The following DIP2C variants were observed in gnomAD, a reference collection of about 807,000 sequenced individuals.
The protein encoded by DIP2C is disco-interacting protein 2 homolog C.
A neutral mutation model predicts 192.4 loss-of-function variants in DIP2C; 33 were observed. The ratio of observed to expected loss-of-function variants is 0.17; its 90% CI spans 0.13 to 0.23. The LOEUF (loss-of-function observed/expected upper bound fraction) is 0.23. Among genes scored for constraint, DIP2C ranks in the 10% least tolerant of loss-of-function variants. The pLI is 1.00. For missense variants in DIP2C, 1,537 were observed against 2,110.1 expected (o/e 0.73, Z 5.32); for synonymous variants, 979 against 864.1 (o/e 1.13, Z -2.33).
chr10:599,543 G>A (rs1372453901), intron 1 of DIP2C, among the ~76,000 whole-genome samples: 2 of 152,160 alleles, frequency 1.3e-5, no homozygotes, highest in South Asian at 4.2e-4. Flanking sequence ...CTGTTCACTC[G>A]TGGGTCAGTG....
chr10:597,638 AGTTT>A (rs150255776), intron 1 of DIP2C, among the ~76,000 whole-genome samples: 2,369 of 152,332 alleles, frequency 0.016, 18 homozygotes, highest in Non-Finnish European at 0.022. Context: ...AACAGAAATG[AGTTT>A]GTTTCATGAT....
chr10:316,033 G>A (rs1956761054), intron 31 of DIP2C, among the ~76,000 whole-genome samples: 1 of 151,722 alleles, frequency 6.6e-6, no homozygotes, highest in South Asian at 2.1e-4. Flanking sequence ...TTATCTTTCT[G>A]CAATACCCCC....
intron 1 of DIP2C, among the ~76,000 whole-genome samples, chr10:574,301 T>C (rs1770927026): frequency 6.6e-6 from 1 of 152,264 alleles, no homozygotes; most frequent in Non-Finnish European, 1.5e-5. Context: ...CCCACTGTTA[T>C]CTTTCCGCAA....
intron 1 of DIP2C, among the ~76,000 whole-genome samples, chr10:539,583 GT>G (rs1432969260): frequency 6.6e-6 from 1 of 152,140 alleles, no homozygotes; most frequent in African/African-American, 2.4e-5. Flanking sequence ...AAATATAGAG[GT>G]TTTAAAAAGT....
chr10:306,485 C>T (rs1250506125), intron 32 of DIP2C, among the ~76,000 whole-genome samples: 4 of 152,142 alleles, frequency 2.6e-5, no homozygotes, highest in South Asian at 2.1e-4. Context: ...AGTAATTAGA[C>T]GATAATTGGG....
At chr10:377,158 G>A (rs994273701) in intron 17 of DIP2C, among the ~76,000 whole-genome samples, 4 of 65,894 alleles carry the variant, frequency 6.1e-5, no homozygotes, top group Admixed American at 1.5e-4. Flanking sequence ...TTTTTTTTTT[G>A]CACTGAATAT....
At chr10:475,040 C>G (rs768718989) in intron 2 of DIP2C, among the ~76,000 whole-genome samples, 5 of 152,132 alleles carry the variant, frequency 3.3e-5, no homozygotes, top group East Asian at 1.9e-4. Flanking sequence ...TTCGTTTGCC[C>G]GAAGAGCCCT....
chr10:585,657 G>A (rs1850977398), intron 1 of DIP2C, among the ~76,000 whole-genome samples: 1 of 152,094 alleles, frequency 6.6e-6, no homozygotes, highest in Non-Finnish European at 1.5e-5. Context: ...GTCCTGCAGG[G>A]GCCTCACCTC....
At chr10:645,990 T>A (rs1227279145) in intron 1 of DIP2C, among the ~76,000 whole-genome samples, 1 of 152,166 alleles carries the variant, frequency 6.6e-6, no homozygotes, top group Non-Finnish European at 1.5e-5. Context: ...TAAATTTAGG[T>A]GAGTTAACAG....
At chr10:598,981 C>T (rs1024531840) in intron 1 of DIP2C, among the ~76,000 whole-genome samples, 6 of 152,266 alleles carry the variant, frequency 3.9e-5, no homozygotes, top group Non-Finnish European at 8.8e-5. Context: ...CTTTGAGGCA[C>T]AGGCACGGCC....
intron 31 of DIP2C, among the ~76,000 whole-genome samples, chr10:325,302 G>C (rs985370154): frequency 6.6e-5 from 10 of 151,990 alleles, no homozygotes; most frequent in African/African-American, 2.2e-4. Flanking sequence ...TTTGGATCCA[G>C]GTGGATGGAA....
Position 568,326 on chromosome 10 carries a change from G to A in DIP2C, c.86-81796C>T, listed in dbSNP as rs188105360. On this transcript the variant is annotated intron_variant, in intron 1 of 36. Coordinates refer to ENST00000280886, the MANE Select transcript of DIP2C (RefSeq NM_014974.3). The stretch of plus-strand genomic sequence containing the variant: ...GAGGAGTGAAGATACCGACTCATGC[G>A]TGAAATCAGAGCTAGAGTTCTACCG... 5.3e-5 allele frequency among the ~76,000 whole-genome samples: 8 copies of A among 152,314 alleles called. No individual in the cohort carries two copies. The South Asian group carries it at 6.2e-4, about 12-fold the overall frequency.
intron 32 of DIP2C, among the ~76,000 whole-genome samples, chr10:297,430 G>A (rs74696375): frequency 4.9e-4 from 74 of 152,180 alleles, no homozygotes; most frequent in African/African-American, 1.7e-3. Context: ...CCACCCAGGA[G>A]TCCAACAGCA....
At chr10:356,976 G>A (rs1274779588) in intron 23 of DIP2C, among the ~76,000 whole-genome samples, 2 of 152,230 alleles carry the variant, frequency 1.3e-5, no homozygotes, top group Non-Finnish European at 2.9e-5. Context: ...TTTCTAGAAT[G>A]GCAATACCCT....
chr10:376,343 G>A (rs921190058), intron 17 of DIP2C, among the ~76,000 whole-genome samples: 8 of 150,630 alleles, frequency 5.3e-5, no homozygotes, highest in Admixed American at 4.0e-4. Context: ...CTCGGCCCCC[G>A]ACGGAGCCGG....
intron 1 of DIP2C, among the ~76,000 whole-genome samples, chr10:559,643 G>A (rs905154269): frequency 2.6e-5 from 4 of 152,172 alleles, no homozygotes; most frequent in African/African-American, 9.7e-5. Context: ...TGGCCCAGAT[G>A]AGCTCAGGTT....
chr10:547,435 C>T (rs1848341851), intron 1 of DIP2C, among the ~76,000 whole-genome samples: 1 of 152,008 alleles, frequency 6.6e-6, no homozygotes, highest in African/African-American at 2.4e-5. Flanking sequence ...GGGCTCACAT[C>T]ACTGAGAAGG....
At chr10:466,977 A>G (rs1006894073) in intron 3 of DIP2C, among the ~76,000 whole-genome samples, 5 of 150,316 alleles carry the variant, frequency 3.3e-5, no homozygotes, top group African/African-American at 9.7e-5. Flanking sequence ...CAGTGTGGCG[A>G]TTCCTCAGGG....
intron 1 of DIP2C, among the ~76,000 whole-genome samples, chr10:660,126 C>A (rs1357728518): frequency 6.6e-6 from 1 of 152,190 alleles, no homozygotes; most frequent in Non-Finnish European, 1.5e-5. Flanking sequence ...AGATTCTAGC[C>A]CTTGTCCCTG....
Sources: allele counts gnomAD v4.1 joint callset (sites outside exome capture counted in the v4.1 genomes callset), GRCh38; gene constraint gnomAD v4.1.1; transcripts MANE v1.5; gene names NCBI Gene and HGNC (gene_info 2026-07-23, HGNC 2026-07-21).